RYR2: variants seen among roughly 807,000 people sequenced by gnomAD.
RYR2 encodes the protein cardiac muscle ryanodine receptor-calcium release channel.
RYR2 carries 227 observed loss-of-function variants against 601.1 expected under a neutral mutation model. The observed-to-expected ratio is 0.38, with a 90% CI of 0.34 to 0.42. RYR2 has a LOEUF of 0.42. RYR2 is among the 10% of genes least tolerant of loss of function. The pLI is 1.00. For missense variants in RYR2, 4,646 were observed against 6,156.5 expected, an observed-to-expected ratio of 0.75 and a Z score of 8.21; for synonymous variants, 2,223 against 2,175.1, an observed-to-expected ratio of 1.02 and a Z score of -0.61.
At position 237,793,902 on chromosome 1, in the gene RYR2, G is replaced by A; in HGVS notation, c.13818G>A (p.Val4606=). Residue 4606 remains valine (V), a synonymous_variant, in exon 95 of 105, where the codon GTG becomes GTA. Transcript: ENST00000366574. The part of the protein sequence containing the change: ...PLVIFKREKE[V]ARKLEFDGLY... ...TTATTTTTAAGCGAGAAAAGGAAGTGGCACGGAAATTGGAATTTGATGGGC... is the reference window on the plus strand; with the variant it reads ...TTATTTTTAAGCGAGAAAAGGAAGTAGCACGGAAATTGGAATTTGATGGGC... The A allele has an allele frequency of 6.2e-7, 1 of 1,610,710 alleles. No individual in the cohort carries two copies.
intron 29 of RYR2, among the ~76,000 whole-genome samples, chr1:237,570,559 G>T (rs2779405): frequency 0.35 from 52,822 of 151,614 alleles, 10,816 homozygotes; most frequent in Admixed American, 0.46. Flanking sequence ...GGCTGGTCTC[G>T]AATTGCTGAC....
chr1:237,764,913 A>T lies in RYR2; in HGVS notation c.11476+3885A>T, dbSNP rs189911881. ...AACTGTGTGTTTCTTTGAGGTTTGT[A>T]TCTACAGCTTTCAGATGAATTATTT... On this transcript the variant is annotated intron_variant, in intron 84 of 104. Transcript: ENST00000366574. Among the ~76,000 whole-genome samples the T allele has an allele frequency of 2.2e-3, 328 of 152,268 alleles. 3 individuals carry two copies. Among genetic ancestry groups the T allele is most frequent in the African/African-American group, 7.6e-3 (315 of 41,566 alleles).
At chr1:237,552,105 C>G (rs1670460871) in intron 27 of RYR2, among the ~76,000 whole-genome samples, 2 of 152,186 alleles carry the variant, frequency 1.3e-5, no homozygotes, top group Admixed American at 1.3e-4. Context: ...AACATAATAT[C>G]TATCTTGAGG....
intron 12 of RYR2, among the ~76,000 whole-genome samples, chr1:237,428,656 C>T (rs911584891): frequency 5.3e-5 from 8 of 150,576 alleles, no homozygotes; most frequent in Non-Finnish European, 1.2e-4. Context: ...GCATGTGGGG[C>T]GTAAAACCTA....
At chr1:237,768,811 A>C (rs969908642) in intron 84 of RYR2, among the ~76,000 whole-genome samples, 4 of 152,162 alleles carry the variant, frequency 2.6e-5, no homozygotes, top group African/African-American at 9.7e-5. Flanking sequence ...ACCCCAGCTT[A>C]TACCTGGTAT....
intron 3 of RYR2, chr1:237,341,637 G>A (rs761724007): frequency 9.7e-6 from 5 of 516,714 alleles, no homozygotes; most frequent in South Asian, 5.7e-5. Context: ...TGCATGTTAT[G>A]TACTAGGTAG....
At chr1:237,269,039 A>ATTTTTTT in intron 1 of RYR2, among the ~76,000 whole-genome samples, 7 of 97,152 alleles carry the variant, frequency 7.2e-5, no homozygotes, top group African/African-American at 2.3e-4. Flanking sequence ...TATATAGCAT[A>ATTTTTTT]TTCTTTTTTT....
Position 237,354,383 on chromosome 1 carries a change from T to C in RYR2, c.274-1582T>C, listed in dbSNP as rs182614543. On this transcript the variant is annotated intron_variant, in intron 3 of 104. Transcript: ENST00000366574. Reference sequence around the variant, plus strand: ...TGTATGCATGTGTGAATGTCTGACATGCAGAAGTGAACCTGATAATGGCAA... The same window carrying C: ...TGTATGCATGTGTGAATGTCTGACACGCAGAAGTGAACCTGATAATGGCAA... Among the ~76,000 whole-genome samples the C allele has an allele frequency of 2.0e-5, 3 of 151,934 alleles. No homozygotes were observed. The South Asian group carries it at 6.2e-4, about 31-fold the overall frequency.
Position 237,109,403 on chromosome 1 carries a change from GC to G in RYR2, c.48+66835del, listed in dbSNP as rs1309403672. ...TAAATTCAGGCATGGAGAGAAAATT[GC>G]TTTGAAAGGAAGATTTTTTGCATTG... On this transcript the variant is annotated intron_variant, in intron 1 of 104. Transcript: ENST00000366574. Among the ~76,000 whole-genome samples the G allele has an allele frequency of 2.1e-4, 32 of 151,968 alleles. No homozygotes were observed. The East Asian group carries it at 3.9e-3, about 18-fold the overall frequency.
chr1:237,061,964 A>G (rs902035135), intron 1 of RYR2, among the ~76,000 whole-genome samples: 2 of 152,208 alleles, frequency 1.3e-5, no homozygotes, highest in African/African-American at 2.4e-5. Flanking sequence ...TGGATGTCCA[A>G]TTGATCCAGG....
intron 35 of RYR2, among the ~76,000 whole-genome samples, chr1:237,602,316 T>A (rs764933631): frequency 2.6e-5 from 4 of 152,070 alleles, no homozygotes; most frequent in African/African-American, 4.8e-5. Flanking sequence ...AGTTATCATA[T>A]GTATATTATT....
rs546605496 is a variant in RYR2 at position 237,746,413 on chromosome 1, C to T, written c.11145+4064C>T. Among the ~76,000 whole-genome samples, 16 of 151,894 alleles carry T rather than the reference C, an allele frequency of 1.1e-4. No homozygotes were observed. In the South Asian group the frequency reaches 1.7e-3, roughly 16 times the overall value. The stretch of plus-strand genomic sequence containing the variant: ...TCCATAAAGTCATTGAGAAGAGAAA[C>T]GAAGTAGGTAAAAAGAAAAGTGCTA... On this transcript the variant is annotated intron_variant, in intron 80 of 104. Transcript: ENST00000366574.
chr1:237,770,923 G>A (rs1694218952), intron 85 of RYR2, 36 bp downstream of exon 85: 1 of 1,300,740 alleles, frequency 7.7e-7, no homozygotes, highest in South Asian at 1.3e-5. Context: ...TGATACTAAG[G>A]CATAAATAAT....
intron 22 of RYR2, among the ~76,000 whole-genome samples, chr1:237,503,714 G>A (rs1664905904): frequency 6.6e-6 from 1 of 152,010 alleles, no homozygotes; most frequent in South Asian, 2.1e-4. Context: ...TGTTTTTGTT[G>A]TCGTTGTTGT....
chr1:237,149,938 AG>A (rs1212807877), intron 1 of RYR2, among the ~76,000 whole-genome samples: 1 of 152,168 alleles, frequency 6.6e-6, no homozygotes, highest in African/African-American at 2.4e-5. Flanking sequence ...ATAGCTCATT[AG>A]GGGGGTTTTG....
At chr1:237,609,598 C>T (rs1319465545) in intron 35 of RYR2, among the ~76,000 whole-genome samples, 1 of 152,028 alleles carries the variant, frequency 6.6e-6, no homozygotes, top group Non-Finnish European at 1.5e-5. Context: ...CTCCTGACCT[C>T]AAGTGATCCA....
At chr1:237,148,179 T>A (rs534563740) in intron 1 of RYR2, among the ~76,000 whole-genome samples, 3 of 152,142 alleles carry the variant, frequency 2.0e-5, no homozygotes, top group African/African-American at 7.2e-5. Flanking sequence ...ATAAACAAGA[T>A]AGTTAATAAA....
In RYR2 at chr1:237,262,245, G is replaced by GTTTTT. The variant is rs386370106; in HGVS notation, c.49-8229_49-8225dup. Among the ~76,000 whole-genome samples, 371 of 61,096 alleles carry GTTTTT rather than the reference G, an allele frequency of 6.1e-3. 44 individuals carry two copies. The highest frequency in any genetic ancestry group is 0.02 in the African/African-American group (328 of 16,590). 40.1% of individuals were successfully genotyped at this position (61,096 alleles called of 152,430 possible). A position where few individuals can be genotyped will look rare whatever the true frequency, so the allele number is the denominator to read the frequency against. On this transcript the variant is annotated intron_variant, in intron 1 of 104. Coordinates refer to ENST00000366574, the MANE Select transcript of RYR2 (RefSeq NM_001035.3). ...AAATATTAGATCTCTGTTCTAAAGA[G>GTTTTT]TTTTTTTTTTTTTTTTTTTTTTTTT...
chr1:237,218,431 TC>T (rs1683423552), intron 1 of RYR2, among the ~76,000 whole-genome samples: 1 of 152,160 alleles, frequency 6.6e-6, no homozygotes, highest in Non-Finnish European at 1.5e-5. Flanking sequence ...GACTTTAGCT[TC>T]TCAAAATAGG....
Sources: gnomAD v4.1 joint callset for allele counts (sites outside exome capture counted in the v4.1 genomes callset) on GRCh38, gnomAD v4.1.1 for gene constraint, MANE v1.5 for transcripts, NCBI Gene and HGNC (gene_info 2026-07-23, HGNC 2026-07-21) for gene names.